LIMA1: variants seen among roughly 807,000 people sequenced by gnomAD.
The protein encoded by LIMA1 is LIM domain and actin binding 1.
In LIMA1, 52 loss-of-function variants were observed where a neutral mutation model predicts 62.6. That is an observed-to-expected ratio of 0.83 (90% CI 0.67 to 1.05). The LOEUF is 1.05. LIMA1 is among the 50% of genes least tolerant of loss of function. The pLI, the probability that LIMA1 is intolerant of heterozygous loss-of-function variation, is 0.00. For synonymous variants in LIMA1, 302 were observed against 317.8 expected, an observed-to-expected ratio of 0.95 and a Z score of 0.53; for missense variants, 780 against 902.2, an observed-to-expected ratio of 0.86 and a Z score of 1.74.
chr12:50,204,413 AG>A (rs977019875), intron 6 of LIMA1, 138 bp downstream of exon 6: 1 of 952,298 alleles, frequency 1.1e-6, no homozygotes, highest in African/African-American at 1.7e-5. Flanking sequence ...CAGCGAGGGT[AG>A]GGTTCATGTG....
At chr12:50,204,511 T>C in intron 6 of LIMA1, 41 bp downstream of exon 6, 1 of 1,589,110 alleles carries the variant, frequency 6.3e-7, no homozygotes, top group Non-Finnish European at 8.6e-7. Flanking sequence ...ATCTGCTGGA[T>C]GATGGAATGA....
At chr12:50,226,909 CTTT>C (rs57111000) in intron 3 of LIMA1, among the ~76,000 whole-genome samples, 1 of 134,262 alleles carries the variant, frequency 7.4e-6, no homozygotes. Context: ...AATTCTTTTT[CTTT>C]TTTTTTTTTT....
At chr12:50,227,596 C>T (rs904671346) in intron 3 of LIMA1, among the ~76,000 whole-genome samples, 1 of 152,010 alleles carries the variant, frequency 6.6e-6, no homozygotes, top group Non-Finnish European at 1.5e-5. Flanking sequence ...TTGGTGAATG[C>T]GACAACCATC....
intron 1 of LIMA1, among the ~76,000 whole-genome samples, chr12:50,250,095 T>G (rs972575861): frequency 6.6e-6 from 1 of 151,390 alleles, no homozygotes; most frequent in African/African-American, 2.4e-5. Context: ...GGTCAGGAGT[T>G]TAGGACCAGC....
chr12:50,209,567 C>CAAAAAAAAA (rs1203309856), intron 4 of LIMA1, among the ~76,000 whole-genome samples: 5 of 61,652 alleles, frequency 8.1e-5, no homozygotes, highest in African/African-American at 2.8e-4. Flanking sequence ...GACTCCATCT[C>CAAAAAAAAA]AAAAAAAAAA....
chr12:50,199,225 G>T (rs1414318578), intron 7 of LIMA1, among the ~76,000 whole-genome samples: 1 of 152,166 alleles, frequency 6.6e-6, no homozygotes, highest in African/African-American at 2.4e-5. Flanking sequence ...CAGTTACTTG[G>T]GAGGCTGCGG....
At chr12:50,238,855 G>GA (rs942798317) in intron 2 of LIMA1, among the ~76,000 whole-genome samples, 2,058 of 117,598 alleles carry the variant, frequency 0.018, 44 homozygotes, top group African/African-American at 0.061. Context: ...GTCTCACGAA[G>GA]AAAAAAAAAA....
In LIMA1 at chr12:50,222,480, G is replaced by C; in HGVS notation, c.171C>G (p.Thr57=). ...TTCTAAAGTGCTGGGAGAGATTTTC[G>C]GTGTTCTAGAAGAACAAGAAGTAGA... ...ETNMEKKRSN[T]ENLSQHFRKG... Residue 57 remains threonine (T), a synonymous_variant, in exon 4 of 11, where the codon ACC becomes ACG. Transcript: ENST00000341247. 5 of 1,613,854 alleles carry C rather than the reference G, an allele frequency of 3.1e-6. No homozygotes were observed. The highest frequency in any genetic ancestry group is 1.3e-5 in the African/African-American group (1 of 75,020).
At chr12:50,202,604 C>T (rs938698461) in intron 6 of LIMA1, among the ~76,000 whole-genome samples, 2 of 152,156 alleles carry the variant, frequency 1.3e-5, no homozygotes, top group Admixed American at 6.5e-5. Flanking sequence ...CTGTGATACT[C>T]CACTTTGCTA....
At chr12:50,191,689 C>CA (rs1940776275) in intron 9 of LIMA1, among the ~76,000 whole-genome samples, 3 of 151,810 alleles carry the variant, frequency 2.0e-5, no homozygotes, top group African/African-American at 7.3e-5. Context: ...GGCGTAGTGG[C>CA]AGGACACCTG....
intron 1 of LIMA1, among the ~76,000 whole-genome samples, chr12:50,265,163 A>C (rs949705849): frequency 6.6e-6 from 1 of 151,992 alleles, no homozygotes; most frequent in Non-Finnish European, 1.5e-5. Flanking sequence ...AAAAAAAAAA[A>C]AATCAAAAAT....
At chr12:50,210,419 A>C (rs1457067799) in intron 4 of LIMA1, among the ~76,000 whole-genome samples, 3 of 61,356 alleles carry the variant, frequency 4.9e-5, no homozygotes, top group Admixed American at 1.3e-4. Context: ...CCCCATTTCC[A>C]AAAAAAAAAA....
intron 9 of LIMA1, chr12:50,186,440 C>T (rs1940632450): frequency 1.3e-5 from 2 of 152,538 alleles, no homozygotes; most frequent in African/African-American, 2.4e-5. Context: ...AGTGAAACCA[C>T]CATGCTAACT....
At chr12:50,192,423 A>AAAGGCTCAGAGAGAAATTGCCATCATAC in intron 9 of LIMA1, 29 bp downstream of exon 9, 1 of 1,434,700 alleles carries the variant, frequency 7.0e-7, no homozygotes, top group African/African-American at 1.4e-5. Context: ...ACCAATGTCC[A>AAAGGCTCAGAGAGAAATTGCCATCATAC]AAGGCTCAGA....
At chr12:50,193,459 G>A (rs1940825033) in intron 8 of LIMA1, among the ~76,000 whole-genome samples, 2 of 139,434 alleles carry the variant, frequency 1.4e-5, no homozygotes, top group South Asian at 2.2e-4. Context: ...TTTGTCTTGT[G>A]ACCTACAAGA....
chr12:50,206,408 C>T (rs148508822), intron 4 of LIMA1, among the ~76,000 whole-genome samples: 159 of 152,204 alleles, frequency 1.0e-3, no homozygotes, highest in African/African-American at 3.6e-3. Context: ...TTCCTTTCTC[C>T]GTCTCATGTT....
At chr12:50,227,237 C>CT (rs199650468) in intron 3 of LIMA1, among the ~76,000 whole-genome samples, 2,169 of 123,928 alleles carry the variant, frequency 0.018, 96 homozygotes, top group African/African-American at 0.055. Flanking sequence ...TTTTTCTTTT[C>CT]TTTTTTTTTT....
chr12:50,223,560 A>G (rs1941483134), intron 3 of LIMA1, among the ~76,000 whole-genome samples: 2 of 152,140 alleles, frequency 1.3e-5, no homozygotes, highest in African/African-American at 2.4e-5. Flanking sequence ...TAAAATATGC[A>G]GGCTTCAAAT....
At chr12:50,232,951 C>T (rs933434411) in intron 2 of LIMA1, among the ~76,000 whole-genome samples, 1 of 152,222 alleles carries the variant, frequency 6.6e-6, no homozygotes, top group Non-Finnish European at 1.5e-5. Flanking sequence ...CACGCCACTG[C>T]ACTCTAGCCT....
Sources: gnomAD v4.1 joint callset for allele counts (sites outside exome capture counted in the v4.1 genomes callset) on GRCh38, gnomAD v4.1.1 for gene constraint, MANE v1.5 for transcripts, NCBI Gene and HGNC (gene_info 2026-07-23, HGNC 2026-07-21) for gene names.